Variants in HERC1 observed in about 807,000 individuals in gnomAD.
The protein encoded by HERC1 is probable E3 ubiquitin-protein ligase HERC1.
Under a neutral mutation model 554.3 loss-of-function variants are expected in HERC1, and 160 were observed. That is an observed-to-expected ratio of 0.29 (90% CI 0.25 to 0.33). The LOEUF (loss-of-function observed/expected upper bound fraction) is 0.33, where lower values mean the gene tolerates loss of function less well. Among genes scored for constraint, HERC1 ranks in the 10% least tolerant of loss-of-function variants. The probability of loss-of-function intolerance (pLI) is 1.00; values close to 1 mark genes in which losing one functional copy is unlikely to be tolerated. For missense variants in HERC1, 4,919 were observed against 5,918.5 expected, an observed-to-expected ratio of 0.83 and a Z score of 5.54; for synonymous variants, 2,175 against 2,131.7, an observed-to-expected ratio of 1.02 and a Z score of -0.56.
chr15:63,672,593 A>T lies in HERC1; in HGVS notation c.7948T>A (p.Ser2650Thr). The change falls in exon 39 of 78, where the codon TCT becomes ACT. Residue 2650 changes from serine (S) to threonine (T), a missense_variant. Transcript: ENST00000443617. ...ASSTTSFMSS[S>T]LEDTTTATTP... The stretch of plus-strand genomic sequence containing the variant: ...GTGGCAGTTGTGGTGTCCTCCAGAG[A>T]GCTGCTCATAAAGGAGGTCGTGCTT... 3.7e-6 allele frequency: 6 copies of T among 1,612,446 alleles called. No individual in the cohort carries two copies. Among genetic ancestry groups the T allele is most frequent in the Non-Finnish European group, 5.1e-6 (6 of 1,179,248 alleles).
chr15:63,711,012 AACG>A (rs1210767321), intron 24 of HERC1, among the ~76,000 whole-genome samples: 1 of 152,150 alleles, frequency 6.6e-6, no homozygotes, highest in Admixed American at 6.5e-5. Context: ...TGAGCAGAGA[AACG>A]ACATGATCTA....
At chr15:63,798,873 A>G (rs2076892619) in intron 1 of HERC1, among the ~76,000 whole-genome samples, 2 of 152,242 alleles carry the variant, frequency 1.3e-5, no homozygotes, top group Admixed American at 1.3e-4. Flanking sequence ...TAGTGGTTGC[A>G]TACTATTTCT....
At chr15:63,650,566 T>C (rs919003849) in intron 53 of HERC1, among the ~76,000 whole-genome samples, 9 of 152,062 alleles carry the variant, frequency 5.9e-5, no homozygotes, top group African/African-American at 2.2e-4. Context: ...TCCAGGCATA[T>C]GTCACCACGC....
intron 34 of HERC1, among the ~76,000 whole-genome samples, chr15:63,684,708 G>A (rs761782748): frequency 1.3e-5 from 2 of 151,460 alleles, no homozygotes; most frequent in Non-Finnish European, 2.9e-5. Flanking sequence ...TTCTAGCGGG[G>A]GAAAAAAATC....
At position 63,637,596 on chromosome 15, in the gene HERC1, T is replaced by C. The variant is rs2068837998; in HGVS notation, c.12141A>G (p.Thr4047=). 6.4e-7 allele frequency: 1 copy of C among 1,554,310 alleles called. No homozygotes were observed. The highest frequency in any genetic ancestry group is 1.4e-5 in the African/African-American group (1 of 73,452). Residue 4047 remains threonine, a synonymous_variant, in exon 64 of 78, where the codon ACA becomes ACG. Coordinates refer to ENST00000443617, the MANE Select transcript of HERC1 (RefSeq NM_003922.4). ...NCTFVIQANG[T]VLACGEGSYG... Reference sequence around the variant, plus strand: ...AACTTCCTTCCCCACAAGCCAACACTGTGCCATTGGCCTGGATGACAAAGG... The same window carrying C: ...AACTTCCTTCCCCACAAGCCAACACCGTGCCATTGGCCTGGATGACAAAGG...
At chr15:63,826,824 T>C (rs1180364892) in intron 1 of HERC1, among the ~76,000 whole-genome samples, 7 of 106,458 alleles carry the variant, frequency 6.6e-5, no homozygotes, top group African/African-American at 2.3e-4. Context: ...AATATATATA[T>C]ATATATATAT....
At chr15:63,640,502 T>TTA in intron 60 of HERC1, 57 bp from the exon 61 acceptor site, 1 of 1,371,950 alleles carries the variant, frequency 7.3e-7, no homozygotes, top group Non-Finnish European at 1.0e-6. Context: ...ATATTCTAAA[T>TTA]TAACCTACCG....
intron 27 of HERC1, among the ~76,000 whole-genome samples, chr15:63,695,609 A>G (rs994594010): frequency 1.3e-5 from 2 of 151,788 alleles, no homozygotes; most frequent in African/African-American, 4.8e-5. Flanking sequence ...GCTGGTCTTG[A>G]ACTCCTGACC....
In HERC1 at chr15:63,633,849, T is replaced by C; in HGVS notation, c.12692A>G (p.Gln4231Arg). The change falls in exon 67 of 78, where the codon CAG (glutamine) becomes CGG (arginine). Residue 4231 changes from glutamine (Q) to arginine (R), a missense_variant and splice_region_variant. This residue lies in a region of HERC1 where 410 missense variants were observed against 467.0 expected (regional missense o/e 0.88). Transcript: ENST00000443617. ...ACCTAGACTCAAGGCAGTACTGACC[T>C]GAGGTGAAGATTTTGCAGTGGAATT... ...LGNSTAKSSP[Q>R]KIDVLCGIGI... is the part of the protein sequence containing the mutation. The C allele has an allele frequency of 6.2e-7, 1 of 1,612,846 alleles. No homozygotes were observed. Among genetic ancestry groups the C allele is most frequent in the Non-Finnish European group, 8.5e-7 (1 of 1,179,328 alleles).
intron 19 of HERC1, among the ~76,000 whole-genome samples, chr15:63,721,732 T>G (rs374170554): frequency 6.6e-6 from 1 of 152,068 alleles, no homozygotes; most frequent in Non-Finnish European, 1.5e-5. Flanking sequence ...GATAAGAGAA[T>G]GACACAGAGA....
chr15:63,765,146 T>C (rs1190623624), intron 2 of HERC1, among the ~76,000 whole-genome samples: 1 of 152,182 alleles, frequency 6.6e-6, no homozygotes, highest in Admixed American at 6.5e-5. Context: ...CTGTTCACCT[T>C]ATCTTATATA....
rs2072622114 is a variant in HERC1, at chr15:63,699,790, T to C, written c.4637-794A>G. On this transcript the variant is annotated intron_variant, in intron 25 of 77. Transcript: ENST00000443617. ...TACATTAGACAGCAAAATGTTAACA[T>C]GTTTGAACATAACAGCAACTGTCCA... 2.0e-5 allele frequency among the ~76,000 whole-genome samples: 3 copies of C among 152,336 alleles called. No individual in the cohort carries two copies. In the South Asian group the frequency reaches 6.2e-4, roughly 32 times the overall value.
chr15:63,625,968 C>T lies in HERC1; in HGVS notation c.13275+17G>A. 6.3e-7 allele frequency: 1 copy of T among 1,597,828 alleles called. No homozygotes were observed. The highest frequency in any genetic ancestry group is 8.5e-7 in the Non-Finnish European group (1 of 1,172,008). On this transcript the variant is annotated intron_variant, in intron 71 of 77. Coordinates refer to ENST00000443617, the MANE Select transcript of HERC1 (RefSeq NM_003922.4). ...AAGCCAGTCTGTGCCTGGCTGCTTA[C>T]CACGCCAGTCTGTTACCTGGTTGTT... is the stretch of plus-strand genomic sequence containing the variant.
At chr15:63,784,853 A>G (rs2076391685) in intron 1 of HERC1, among the ~76,000 whole-genome samples, 1 of 152,132 alleles carries the variant, frequency 6.6e-6, no homozygotes, top group Non-Finnish European at 1.5e-5. Flanking sequence ...TCAGGTGATC[A>G]GCCCACCTCG....
chr15:63,642,833 T>C, intron 59 of HERC1, 124 bp downstream of exon 59: 1 of 660,550 alleles, frequency 1.5e-6, no homozygotes, highest in South Asian at 1.7e-5. Flanking sequence ...GTTGCACTGT[T>C]TTGGACAAGT....
chr15:63,665,456 G>A (rs931420843), intron 42 of HERC1, among the ~76,000 whole-genome samples: 1 of 152,114 alleles, frequency 6.6e-6, no homozygotes, highest in African/African-American at 2.4e-5. Flanking sequence ...TGCTTGAACC[G>A]GGGAGGCGGA....
intron 1 of HERC1, among the ~76,000 whole-genome samples, chr15:63,826,935 A>C (rs1483732195): frequency 6.7e-6 from 1 of 150,174 alleles, no homozygotes; most frequent in African/African-American, 2.4e-5. Flanking sequence ...GAATTTGGGA[A>C]TATCTAACAA....
rs1449696510 is a variant in HERC1 at position 63,747,738 on chromosome 15, A to T, written c.2340T>A (p.Pro780=). ...DKINSEIPPL[P]FPSSREHHSF... ...ATATAACATACCTTGATGAAGGGAA[A>T]GGGAGTGGGGGAATCTCACTGTTTA... Residue 780 remains proline (P), a synonymous_variant, in exon 11 of 78, where the codon CCT becomes CCA. Coordinates refer to ENST00000443617, the MANE Select transcript of HERC1 (RefSeq NM_003922.4). The T allele has an allele frequency of 1.3e-6, 2 of 1,547,670 alleles. No individual in the cohort carries two copies. Among genetic ancestry groups the T allele is most frequent in the Admixed American group, 2.0e-5 (1 of 50,928 alleles).
At chr15:63,763,471 C>T (rs796229410) in intron 3 of HERC1, among the ~76,000 whole-genome samples, 3 of 152,044 alleles carry the variant, frequency 2.0e-5, no homozygotes, top group African/African-American at 7.2e-5. Flanking sequence ...AAAACCCAGA[C>T]TGTGGGAAAT....
Sources: allele counts gnomAD v4.1 joint callset (sites outside exome capture counted in the v4.1 genomes callset), GRCh38; gene constraint gnomAD v4.1.1; regional missense constraint gnomAD v4.1.1; transcripts MANE v1.5; gene names NCBI Gene and HGNC (gene_info 2026-07-23, HGNC 2026-07-21).